Variants in A3GALT2 observed in about 807,000 individuals in gnomAD.
A3GALT2 encodes the protein alpha 1,3-galactosyltransferase 2.
Under a neutral mutation model 16.6 loss-of-function variants are expected in A3GALT2, and 14 were observed. That is an observed-to-expected ratio of 0.84 (90% CI 0.56 to 1.32). The LOEUF (loss-of-function observed/expected upper bound fraction) is 1.32. Ranked by LOEUF, A3GALT2 falls within the 40% of genes most tolerant of loss-of-function variation. A3GALT2 has a pLI of 0.00. For synonymous variants in A3GALT2, 253 were observed against 218.0 expected (o/e 1.16, Z -1.42); for missense variants, 600 against 490.9 (o/e 1.22, Z -2.10).
chr1:33,317,479 C>T (rs572551112), intron 1 of A3GALT2, among the ~76,000 whole-genome samples: 1 of 152,282 alleles, frequency 6.6e-6, no homozygotes, highest in African/African-American at 2.4e-5. Flanking sequence ...TTTGTGGTTT[C>T]CTGCTGAGTG....
Position 33,306,901 on chromosome 1 carries a change from C to G in A3GALT2, c.888G>C (p.Lys296Asn). 1.3e-6 allele frequency: 2 copies of G among 1,523,594 alleles called. No individual in the cohort carries two copies. Among genetic ancestry groups the G allele is most frequent in the Non-Finnish European group, 1.8e-6 (2 of 1,141,100 alleles). The allele number at this position is 1,523,594 out of a possible 1,614,324, so 94.4% of individuals were successfully genotyped here. A position where few individuals can be genotyped will look rare whatever the true frequency, so the allele number is the denominator to read the frequency against. ...ARWHDESHLN[K>N]FFWLHKPAKV... is the part of the protein sequence containing the mutation. The stretch of plus-strand genomic sequence containing the variant: ...TGGCGGGCTTGTGCAGCCAGAAGAA[C>G]TTGTTGAGGTGGCTCTCGTCGTGCC... Residue 296 changes from lysine to asparagine, a missense_variant, in exon 5 of 5, where the codon AAG (lysine) becomes AAC (asparagine). Coordinates refer to ENST00000442999, the MANE Select transcript of A3GALT2 (RefSeq NM_001080438.1).
chr1:33,316,117 G>A (rs1646260201), intron 1 of A3GALT2, among the ~76,000 whole-genome samples: 1 of 152,174 alleles, frequency 6.6e-6, no homozygotes, highest in Admixed American at 6.5e-5. Context: ...GACTTCTAAG[G>A]TAGGACCTAA....
chr1:33,313,174 A>AG (rs1646243813), intron 1 of A3GALT2: 1 of 6,520 alleles, frequency 1.5e-4, no homozygotes, highest in African/African-American at 9.6e-4. Context: ...TCAGTGACGG[A>AG]GTTTTTTTTT....
intron 4 of A3GALT2, among the ~76,000 whole-genome samples, chr1:33,309,829 C>A (rs1338834421): frequency 2.7e-5 from 4 of 148,964 alleles, no homozygotes; most frequent in Non-Finnish European, 5.9e-5. Context: ...ACTGGGCGGC[C>A]GGGCAGAGGG....
intron 1 of A3GALT2, chr1:33,314,425 C>T (rs889752761): frequency 6.5e-6 from 1 of 152,754 alleles, no homozygotes; most frequent in African/African-American, 2.4e-5. Context: ...GCTTCAGACC[C>T]TCCTGCCCCT....
chr1:33,310,289 C>T (rs373643362), intron 4 of A3GALT2, among the ~76,000 whole-genome samples: 5 of 151,622 alleles, frequency 3.3e-5, no homozygotes, highest in Admixed American at 6.6e-5. Flanking sequence ...AGAGGGAGAC[C>T]GTGGAGAGAG....
At chr1:33,308,872 T>A (rs1646218141) in intron 4 of A3GALT2, among the ~76,000 whole-genome samples, 2 of 147,376 alleles carry the variant, frequency 1.4e-5, no homozygotes, top group South Asian at 2.2e-4. Flanking sequence ...CAGATAAACA[T>A]GTGAACAAGG....
chr1:33,319,417 C>G (rs1172348185), intron 1 of A3GALT2, among the ~76,000 whole-genome samples: 5 of 152,186 alleles, frequency 3.3e-5, no homozygotes, highest in African/African-American at 1.2e-4. Context: ...TGACAGCTCA[C>G]CTCTGCAAGG....
Position 33,306,994 on chromosome 1 carries a change from C to T in A3GALT2, c.795G>A (p.Leu265=). The change falls in exon 5 of 5, where the codon CTG becomes CTA. Residue 265 remains leucine (L), a synonymous_variant. Transcript: ENST00000442999. ...AAVFGGSVAA[L]RGLTAHCAGG... is the part of the protein sequence containing the mutation. ...CCGCACAGTGCGCCGTCAGCCCGCG[C>T]AGCGCCGCCACGCTGCCCCCGAACA... The T allele has an allele frequency of 6.8e-7, 1 of 1,461,934 alleles. No individual in the cohort carries two copies. Among genetic ancestry groups the T allele is most frequent in the African/African-American group, 1.5e-5 (1 of 67,742 alleles). The allele number at this position is 1,461,934 out of a possible 1,614,324, so 90.6% of individuals were successfully genotyped here.
chr1:33,318,029 C>A (rs1413925613), intron 1 of A3GALT2, among the ~76,000 whole-genome samples: 1 of 152,124 alleles, frequency 6.6e-6, no homozygotes, highest in Non-Finnish European at 1.5e-5. Flanking sequence ...GGAAAACAGA[C>A]CCTAATGTGT....
chr1:33,316,837 TAC>T (rs1373802913), intron 1 of A3GALT2, among the ~76,000 whole-genome samples: 2 of 147,822 alleles, frequency 1.4e-5, no homozygotes, highest in Non-Finnish European at 3.0e-5. Context: ...AGGGAGAGAG[TAC>T]AGAGGGAGAG....
intron 1 of A3GALT2, among the ~76,000 whole-genome samples, chr1:33,317,255 G>A (rs1449759990): frequency 6.6e-6 from 1 of 152,092 alleles, no homozygotes; most frequent in Non-Finnish European, 1.5e-5. Context: ...AAGGAAAAAA[G>A]CAGGATCTAA....
chr1:33,316,121 G>A (rs1646260210), intron 1 of A3GALT2, among the ~76,000 whole-genome samples: 1 of 152,136 alleles, frequency 6.6e-6, no homozygotes, highest in Admixed American at 6.5e-5. Flanking sequence ...TCTAAGGTAG[G>A]ACCTAAAAAA....
intron 4 of A3GALT2, among the ~76,000 whole-genome samples, chr1:33,311,654 C>T (rs1027592681): frequency 5.9e-5 from 9 of 152,326 alleles, no homozygotes; most frequent in African/African-American, 2.2e-4. Flanking sequence ...TGCTGACCTC[C>T]AATGGGCACC....
In A3GALT2 at chr1:33,307,454, C is replaced by T. The variant is rs762929557; in HGVS notation, c.336-1G>A. The T allele has an allele frequency of 1.3e-6, 2 of 1,497,128 alleles. No homozygotes were observed. Among genetic ancestry groups the T allele is most frequent in the African/African-American group, 1.5e-5 (1 of 68,242 alleles). 92.7% of individuals were successfully genotyped at this position (1,497,128 alleles called of 1,614,324 possible). Reference sequence around the variant, plus strand: ...GCGCTCCAGGTACTTCTCCAGGTATCTAAGGGCGCGGCGCCACCGTCAGCC... The same window carrying T: ...GCGCTCCAGGTACTTCTCCAGGTATTTAAGGGCGCGGCGCCACCGTCAGCC... On this transcript the variant is annotated splice_acceptor_variant, in intron 4 of 4. Coordinates refer to ENST00000442999, the MANE Select transcript of A3GALT2 (RefSeq NM_001080438.1). LOFTEE classifies it high-confidence loss of function.
chr1:33,312,978 C>T, intron 1 of A3GALT2, 88 bp from the exon 2 acceptor site: 2 of 1,107,408 alleles, frequency 1.8e-6, no homozygotes, highest in Non-Finnish European at 2.7e-6. Flanking sequence ...GTCTTTCTTA[C>T]TTCCAGCCAG....
intron 4 of A3GALT2, among the ~76,000 whole-genome samples, chr1:33,310,604 TGTACCATTG>T (rs1186344721): frequency 6.6e-6 from 1 of 152,220 alleles, no homozygotes; most frequent in Non-Finnish European, 1.5e-5. Context: ...GAAACTTGTA[TGTACCATTG>T]GTAAGTGGTT....
At chr1:33,312,970 C>T in intron 1 of A3GALT2, 80 bp from the exon 2 acceptor site, 1 of 1,154,286 alleles carries the variant, frequency 8.7e-7, no homozygotes, top group Non-Finnish European at 1.3e-6. Context: ...CATGAAAAGT[C>T]TTTCTTACTT....
At chr1:33,315,726 A>G (rs568325008) in intron 1 of A3GALT2, among the ~76,000 whole-genome samples, 1 of 152,350 alleles carries the variant, frequency 6.6e-6, no homozygotes, top group Non-Finnish European at 1.5e-5. Context: ...AGCTTCTGGG[A>G]ATCTGTTCAA....
Sources: gnomAD v4.1 joint callset for allele counts (sites outside exome capture counted in the v4.1 genomes callset) on GRCh38, gnomAD v4.1.1 for gene constraint, MANE v1.5 for transcripts, NCBI Gene and HGNC (gene_info 2026-07-23, HGNC 2026-07-21) for gene names.